Variants in EDARADD observed in about 807,000 individuals in gnomAD.
EDARADD encodes the protein EDAR associated via death domain.
In EDARADD, 20 loss-of-function variants were observed where a neutral mutation model predicts 25.6. The observed-to-expected ratio is 0.78, with a 90% CI of 0.55 to 1.14. The LOEUF is 1.14. Ranked by LOEUF, EDARADD falls within the 50% of genes most tolerant of loss-of-function variation. The probability of loss-of-function intolerance (pLI) is 0.00; values close to 1 mark genes in which losing one functional copy is unlikely to be tolerated. For synonymous variants in EDARADD, 86 were observed against 94.4 expected (o/e 0.91, Z 0.52); for missense variants, 225 against 270.1 (o/e 0.83, Z 1.17).
intron 1 of EDARADD, 145 bp downstream of exon 1, chr1:236,394,650 T>G: frequency 1.5e-6 from 1 of 645,482 alleles, no homozygotes; most frequent in South Asian, 2.8e-5. Context: ...TCTGTTCTTA[T>G]GTGTGAAGGC....
At chr1:236,353,698 A>AAAAG (rs71963407) in intron 3 of EDARADD, among the ~76,000 whole-genome samples, 1 of 144,920 alleles carries the variant, frequency 6.9e-6, no homozygotes. Flanking sequence ...AAAAAAAAAA[A>AAAAG]GATATTGGAC....
chr1:236,465,707 A>G (rs957714734), intron 4 of EDARADD, among the ~76,000 whole-genome samples: 1 of 152,146 alleles, frequency 6.6e-6, no homozygotes, highest in Non-Finnish European at 1.5e-5. Flanking sequence ...ATGCATTGCA[A>G]TATGGGGGTT....
intron 5 of EDARADD, among the ~76,000 whole-genome samples, chr1:236,481,374 A>G (rs897146208): frequency 2.6e-5 from 4 of 152,186 alleles, no homozygotes; most frequent in African/African-American, 9.7e-5. Context: ...AGTGTCACAA[A>G]TGCACACTGT....
chr1:236,400,555 C>G (rs371659203), intron 1 of EDARADD, among the ~76,000 whole-genome samples: 1 of 152,018 alleles, frequency 6.6e-6, no homozygotes, highest in East Asian at 1.9e-4. Flanking sequence ...TCTCAGGACT[C>G]CAGAAAAACT....
chr1:236,443,426 A>G (rs1395778056), intron 4 of EDARADD, among the ~76,000 whole-genome samples: 2 of 152,242 alleles, frequency 1.3e-5, no homozygotes, highest in African/African-American at 4.8e-5. Flanking sequence ...AAGAACATTC[A>G]TGATTCATGA....
At chr1:236,351,309 AG>A (rs918406926) in intron 3 of EDARADD, among the ~76,000 whole-genome samples, 1 of 152,118 alleles carries the variant, frequency 6.6e-6, no homozygotes, top group African/African-American at 2.4e-5. Context: ...GTTAAAGCAG[AG>A]GGGGCTTCCT....
chr1:236,351,713 A>C (rs1166659357), intron 3 of EDARADD, among the ~76,000 whole-genome samples: 1 of 151,856 alleles, frequency 6.6e-6, no homozygotes, highest in Non-Finnish European at 1.5e-5. Flanking sequence ...TGTCTCAAAA[A>C]AAAAAAAAAA....
intron 4 of EDARADD, among the ~76,000 whole-genome samples, chr1:236,445,249 A>G (rs1658503376): frequency 6.2e-5 from 1 of 16,008 alleles, no homozygotes; most frequent in African/African-American, 9.9e-5. Context: ...TTTTTTTGAG[A>G]CAGAGTCTTG....
chr1:236,427,094 C>T (rs891350557), intron 3 of EDARADD, among the ~76,000 whole-genome samples: 1 of 152,168 alleles, frequency 6.6e-6, no homozygotes, highest in Admixed American at 6.6e-5. Context: ...GTTGGTCAGG[C>T]TGGTCCCAAG....
At chr1:236,427,595 C>T in intron 4 of EDARADD, 145 bp downstream of exon 4, 1 of 712,012 alleles carries the variant, frequency 1.4e-6, no homozygotes, top group East Asian at 2.7e-5. Context: ...CTCTAAGCAT[C>T]CCAGTAAGGT....
At position 236,370,345 on chromosome 1, in the gene EDARADD, C is replaced by T. The variant is rs903890038; in HGVS notation, c.-6+19506C>T. ...CTGAGGCATGAGAATTGCTTGAACC[C>T]GGGAGGCAGAGGTTGCGGTGAGCCA... On this transcript the variant is annotated intron_variant, in intron 3 of 7. Transcript: ENST00000439430. Among the ~76,000 whole-genome samples the T allele has an allele frequency of 4.6e-5, 7 of 151,996 alleles. No homozygotes were observed. In the East Asian group the frequency reaches 7.7e-4, roughly 17 times the overall value.
At chr1:236,436,747 T>C (rs1658264929) in intron 4 of EDARADD, among the ~76,000 whole-genome samples, 1 of 152,024 alleles carries the variant, frequency 6.6e-6, no homozygotes. Flanking sequence ...TTGAGTTAGT[T>C]GATGTGAAAC....
chr1:236,381,737 A>C (rs534077809), intron 3 of EDARADD, among the ~76,000 whole-genome samples: 2 of 146,702 alleles, frequency 1.4e-5, no homozygotes, highest in African/African-American at 5.1e-5. Context: ...CTGATGAAAA[A>C]TCTGCTGTCA....
At chr1:236,380,968 T>A (rs1269524820) in intron 3 of EDARADD, among the ~76,000 whole-genome samples, 2 of 152,188 alleles carry the variant, frequency 1.3e-5, no homozygotes, top group African/African-American at 4.8e-5. Flanking sequence ...ACTTGATCAG[T>A]TTTGACATAC....
chr1:236,461,241 A>T (rs1659029951), intron 4 of EDARADD, among the ~76,000 whole-genome samples: 1 of 152,202 alleles, frequency 6.6e-6, no homozygotes, highest in South Asian at 2.1e-4. Flanking sequence ...AAGCAGAGAG[A>T]TCAAACTTTA....
chr1:236,481,223 G>A (rs1659662556), intron 5 of EDARADD, among the ~76,000 whole-genome samples: 1 of 152,194 alleles, frequency 6.6e-6, no homozygotes, highest in Non-Finnish European at 1.5e-5. Context: ...TGTGTTTGGT[G>A]TTAAACTGTC....
Position 236,451,162 on chromosome 1 carries a change from A to G in EDARADD, c.220-17069A>G, listed in dbSNP as rs115613037. Reference sequence around the variant, plus strand: ...ACTGTATGACTGGAAACATGATGATAGAATCTACTATCTTGATTCTATCGC... The same window carrying G: ...ACTGTATGACTGGAAACATGATGATGGAATCTACTATCTTGATTCTATCGC... On this transcript the variant is annotated intron_variant, in intron 4 of 5. Coordinates refer to ENST00000334232, the MANE Select transcript of EDARADD (RefSeq NM_145861.4). Among the ~76,000 whole-genome samples the G allele has an allele frequency of 3.8e-3, 586 of 152,316 alleles. 1 individual carries two copies. Among genetic ancestry groups the G allele is most frequent in the Non-Finnish European group, 6.9e-3 (472 of 68,032 alleles).
chr1:236,374,683 C>T (rs1170762538), intron 3 of EDARADD, among the ~76,000 whole-genome samples: 2 of 152,002 alleles, frequency 1.3e-5, no homozygotes, highest in Non-Finnish European at 2.9e-5. Flanking sequence ...GATAACCTTC[C>T]TTGCTCTGAA....
chr1:236,418,750 A>G lies in EDARADD; in HGVS notation c.160+4451A>G, dbSNP rs560565530. On this transcript the variant is annotated intron_variant, in intron 3 of 5. Transcript: ENST00000334232. ...AGGTCTGTCCTAAAACTAGGAAGCC[A>G]ATATGTTGTATTTGATATGATTTCC... Among the ~76,000 whole-genome samples, 7 of 152,370 alleles carry G rather than the reference A, an allele frequency of 4.6e-5. 1 individual carries two copies. The highest frequency in any genetic ancestry group is 1.7e-4 in the African/African-American group (7 of 41,586).
Sources: gnomAD v4.1 joint callset for allele counts (sites outside exome capture counted in the v4.1 genomes callset) on GRCh38, gnomAD v4.1.1 for gene constraint, MANE v1.5 for transcripts, NCBI Gene and HGNC (gene_info 2026-07-23, HGNC 2026-07-21) for gene names.